The following THSD7A variants were observed in gnomAD, a reference collection of about 807,000 sequenced individuals.
THSD7A encodes the protein thrombospondin type 1 domain containing 7A, also known as thrombospondin type-1 domain-containing protein 7A.
Under a neutral mutation model 231.3 loss-of-function variants are expected in THSD7A, and 96 were observed. That is an observed-to-expected ratio of 0.41 (90% CI 0.35 to 0.49). THSD7A has a LOEUF of 0.49. Among genes scored for constraint, THSD7A ranks in the 20% least tolerant of loss-of-function variants. THSD7A has a pLI of 0.05. For synonymous variants in THSD7A, 940 were observed against 743.3 expected (o/e 1.26, Z -4.30); for missense variants, 2,290 against 2,070.2 (o/e 1.11, Z -2.06).
chr7:11,470,039 A>G, intron 8 of THSD7A, 45 bp from the exon 9 acceptor site: 1 of 1,276,792 alleles, frequency 7.8e-7, no homozygotes, highest in South Asian at 1.3e-5. Flanking sequence ...AGTAAAGCAG[A>G]AAATCAGATA....
At chr7:11,799,688 T>A (rs148754265) in intron 1 of THSD7A, among the ~76,000 whole-genome samples, 1,942 of 152,262 alleles carry the variant, frequency 0.013, 25 homozygotes, top group Non-Finnish European at 0.02. Context: ...ATATTTTGGG[T>A]TTTTTCTCTC....
chr7:11,670,303 G>C (rs549910676), intron 1 of THSD7A, among the ~76,000 whole-genome samples: 1 of 152,306 alleles, frequency 6.6e-6, no homozygotes, highest in East Asian at 1.9e-4. Context: ...AGTCAATGGA[G>C]ATCCATTACC....
chr7:11,637,241 T>A lies in THSD7A; in HGVS notation c.191-280A>T, dbSNP rs1248550958. On this transcript the variant is annotated intron_variant, in intron 1 of 27. Coordinates refer to ENST00000423059, the MANE Select transcript of THSD7A (RefSeq NM_015204.3). The surrounding 1 kb of genome is among the most constrained non-coding windows in gnomAD (Gnocchi z 4.2). The stretch of plus-strand genomic sequence containing the variant: ...TTTGGTTTTGTTCATTTCCTTTGTT[T>A]TAGGTAGTTAGAAATCCTTGCTGAT... Among the ~76,000 whole-genome samples, 1 of 152,188 alleles carries A rather than the reference T, an allele frequency of 6.6e-6. No homozygotes were observed. Among genetic ancestry groups the A allele is most frequent in the Non-Finnish European group, 1.5e-5 (1 of 68,038 alleles).
At chr7:11,754,112 G>A (rs1335252587) in intron 1 of THSD7A, among the ~76,000 whole-genome samples, 1 of 151,774 alleles carries the variant, frequency 6.6e-6, no homozygotes, top group African/African-American at 2.4e-5. Context: ...CCATCTCCCA[G>A]GAAGCCCCTA....
intron 1 of THSD7A, among the ~76,000 whole-genome samples, chr7:11,813,407 GTGC>G (rs1223125420): frequency 6.6e-6 from 1 of 152,018 alleles, no homozygotes; most frequent in Non-Finnish European, 1.5e-5. Flanking sequence ...GTATTATGCT[GTGC>G]TGGGTTTAAA....
At chr7:11,786,950 T>G (rs57395551) in intron 1 of THSD7A, among the ~76,000 whole-genome samples, 1,943 of 152,176 alleles carry the variant, frequency 0.013, 34 homozygotes, top group African/African-American at 0.045. Flanking sequence ...TTAGGCATTT[T>G]AGTGACATGA....
chr7:11,487,110 T>C (rs1174049577), intron 6 of THSD7A, among the ~76,000 whole-genome samples: 2 of 152,214 alleles, frequency 1.3e-5, no homozygotes, highest in Non-Finnish European at 2.9e-5. Flanking sequence ...CTTAAACATG[T>C]ATTTTGACAT....
chr7:11,719,055 T>C (rs1583221025), intron 1 of THSD7A, among the ~76,000 whole-genome samples: 1 of 151,810 alleles, frequency 6.6e-6, no homozygotes. Context: ...CAATATCGTG[T>C]GTGTGTGTGT....
At chr7:11,559,676 G>A (rs1789999469) in intron 4 of THSD7A, among the ~76,000 whole-genome samples, 2 of 151,984 alleles carry the variant, frequency 1.3e-5, no homozygotes, top group Non-Finnish European at 2.9e-5. Context: ...AAAAAAGATG[G>A]AAGAATTGAT....
At chr7:11,745,033 G>A (rs1211443619) in intron 1 of THSD7A, among the ~76,000 whole-genome samples, 1 of 151,928 alleles carries the variant, frequency 6.6e-6, no homozygotes, top group Non-Finnish European at 1.5e-5. Flanking sequence ...CTTCCACAAT[G>A]GTTGAACTAG....
chr7:11,701,911 G>A (rs1484143477), intron 1 of THSD7A, among the ~76,000 whole-genome samples: 1 of 151,008 alleles, frequency 6.6e-6, no homozygotes, highest in Non-Finnish European at 1.5e-5. Flanking sequence ...CTCTTTCCTA[G>A]GACAGGAATA....
intron 1 of THSD7A, among the ~76,000 whole-genome samples, chr7:11,665,901 T>C (rs916458272): frequency 6.6e-6 from 1 of 152,110 alleles, no homozygotes; most frequent in Non-Finnish European, 1.5e-5. Context: ...CATATAGTAA[T>C]GTATGCACTA....
At chr7:11,714,479 C>G (rs1470563067) in intron 1 of THSD7A, among the ~76,000 whole-genome samples, 1 of 151,106 alleles carries the variant, frequency 6.6e-6, no homozygotes, top group Admixed American at 6.6e-5. Context: ...AGACATTTCT[C>G]AGGAGCTCTT....
intron 1 of THSD7A, among the ~76,000 whole-genome samples, chr7:11,827,652 T>A (rs1442276620): frequency 6.6e-6 from 1 of 152,096 alleles, no homozygotes; most frequent in Non-Finnish European, 1.5e-5. Flanking sequence ...GCTTTAATGA[T>A]CCCTCCCACT....
chr7:11,815,375 G>A (rs1784655703), intron 1 of THSD7A, among the ~76,000 whole-genome samples: 1 of 151,934 alleles, frequency 6.6e-6, no homozygotes, highest in South Asian at 2.1e-4. Context: ...AGTATAGCCA[G>A]CCTTTATATC....
intron 1 of THSD7A, among the ~76,000 whole-genome samples, chr7:11,809,899 A>G (rs924128884): frequency 2.6e-5 from 4 of 152,132 alleles, no homozygotes; most frequent in Admixed American, 6.6e-5. Context: ...TTTATTCTAT[A>G]TTTTGGGGCT....
At chr7:11,468,787 T>A (rs970968416) in intron 9 of THSD7A, among the ~76,000 whole-genome samples, 2 of 152,138 alleles carry the variant, frequency 1.3e-5, no homozygotes, top group South Asian at 2.1e-4. Flanking sequence ...TGGGCCGAAA[T>A]TGAGCCACTG....
At position 11,566,965 on chromosome 7, in the gene THSD7A, T is replaced by TACC; in HGVS notation, c.1453+23494_1453+23495insGGT. On this transcript the variant is annotated intron_variant, in intron 4 of 27. Transcript: ENST00000423059. ...CAAAGTGGATCCAGCTGTGGGAGAG[T>TACC]GGGGGGGGGACTGACCAACAAAGTT... Among the ~76,000 whole-genome samples, 8 of 92,390 alleles carry TACC rather than the reference T, an allele frequency of 8.7e-5. 3 individuals carry two copies. The highest frequency in any genetic ancestry group is 8.6e-4 in the South Asian group (2 of 2,328). 60.6% of individuals were successfully genotyped at this position (92,390 alleles called of 152,430 possible). A position where few individuals can be genotyped will look rare whatever the true frequency, so the allele number is the denominator to read the frequency against.
intron 1 of THSD7A, among the ~76,000 whole-genome samples, chr7:11,750,591 T>A (rs937409057): frequency 1.3e-5 from 2 of 151,916 alleles, no homozygotes; most frequent in African/African-American, 4.8e-5. Context: ...GGGACCCCAA[T>A]CAAGTAAGGT....
Sources: gnomAD v4.1 joint callset for allele counts (sites outside exome capture counted in the v4.1 genomes callset) on GRCh38, gnomAD v4.1.1 for gene constraint, Gnocchi (gnomAD v3.1) non-coding constraint, MANE v1.5 for transcripts, NCBI Gene and HGNC (gene_info 2026-07-23, HGNC 2026-07-21) for gene names.